OR9Q1: variants seen among roughly 807,000 people sequenced by gnomAD.
The protein encoded by OR9Q1 is olfactory receptor 9Q1.
For missense variants in OR9Q1, 374 were observed against 378.8 expected (o/e 0.99, Z 0.11); for synonymous variants, 153 against 148.6 (o/e 1.03, Z -0.22).
At chr11:58,179,163 C>T (rs900805914) in intron 2 of OR9Q1, among the ~76,000 whole-genome samples, 2 of 151,406 alleles carry the variant, frequency 1.3e-5, no homozygotes, top group Non-Finnish European at 2.9e-5. Context: ...GCTGGGATTA[C>T]AGGTGCTCAC....
intron 2 of OR9Q1, among the ~76,000 whole-genome samples, chr11:58,153,477 A>G (rs1337303834): frequency 1.3e-5 from 2 of 152,146 alleles, no homozygotes; most frequent in African/African-American, 2.4e-5. Flanking sequence ...GGATAATTCA[A>G]TAGGGAAGGG....
At chr11:58,035,631 A>C (rs1209191816) in intron 1 of OR9Q1, among the ~76,000 whole-genome samples, 1 of 152,124 alleles carries the variant, frequency 6.6e-6, no homozygotes, top group African/African-American at 2.4e-5. Context: ...GGAAAGACAT[A>C]TTTTCCTTAG....
chr11:58,068,430 T>C (rs1590569543), intron 2 of OR9Q1, among the ~76,000 whole-genome samples: 1 of 151,912 alleles, frequency 6.6e-6, no homozygotes, highest in South Asian at 2.1e-4. Flanking sequence ...AAGCCTGAAA[T>C]TCCTCTGTTA....
intron 2 of OR9Q1, among the ~76,000 whole-genome samples, chr11:58,126,263 T>C (rs1428707300): frequency 6.6e-6 from 1 of 152,164 alleles, no homozygotes; most frequent in Non-Finnish European, 1.5e-5. Flanking sequence ...TGTCTTACAG[T>C]GTTCATAGTT....
chr11:58,128,650 T>G (rs551912279), intron 2 of OR9Q1, among the ~76,000 whole-genome samples: 1 of 152,236 alleles, frequency 6.6e-6, no homozygotes, highest in East Asian at 1.9e-4. Flanking sequence ...AAAAAAAATT[T>G]TTGTGGAAGT....
chr11:58,066,549 G>C (rs17537868), intron 2 of OR9Q1, among the ~76,000 whole-genome samples: 19,906 of 152,158 alleles, frequency 0.13, 1,550 homozygotes, highest in South Asian at 0.2. Context: ...TATCTTCAGC[G>C]TTCTCCAGGT....
At chr11:58,031,092 T>C (rs1297891821) in intron 1 of OR9Q1, 2 of 1,614,226 alleles carry the variant, frequency 1.2e-6, no homozygotes, top group South Asian at 2.2e-5. Context: ...AATTTGGCCA[T>C]CATTTTAGTG....
chr11:58,159,879 GAT>G (rs1854441855), intron 2 of OR9Q1, among the ~76,000 whole-genome samples: 2 of 152,184 alleles, frequency 1.3e-5, no homozygotes, highest in African/African-American at 4.8e-5. Flanking sequence ...CCTGCAATAA[GAT>G]ATTGATAGAT....
intron 2 of OR9Q1, chr11:58,118,222 T>A (rs531995227): frequency 3.6e-5 from 10 of 274,456 alleles, no homozygotes; most frequent in African/African-American, 2.2e-4. Flanking sequence ...TCAAGACTCC[T>A]GGGATCTGAG....
intron 2 of OR9Q1, 105 bp from the exon 3 acceptor site, chr11:58,179,326 C>A (rs2119975568): frequency 1.4e-6 from 1 of 706,016 alleles, no homozygotes; most frequent in Non-Finnish European, 2.4e-6. Context: ...ACCTGGCACA[C>A]CTGGCATATT....
intron 2 of OR9Q1, among the ~76,000 whole-genome samples, chr11:58,125,985 C>T (rs1854086914): frequency 6.6e-6 from 1 of 152,138 alleles, no homozygotes; most frequent in Non-Finnish European, 1.5e-5. Flanking sequence ...TGTCAAGTCC[C>T]ATATCAGGGG....
At chr11:58,109,529 T>A (rs1221733926) in intron 2 of OR9Q1, 2 of 457,892 alleles carry the variant, frequency 4.4e-6, no homozygotes, top group Non-Finnish European at 4.4e-6. Context: ...AGAATGATCA[T>A]CCCCCCATTC....
At chr11:58,176,481 A>G (rs954425645) in intron 2 of OR9Q1, among the ~76,000 whole-genome samples, 1 of 152,128 alleles carries the variant, frequency 6.6e-6, no homozygotes, top group Admixed American at 6.6e-5. Flanking sequence ...CTCCAAAGAG[A>G]TTTGTGTTGG....
intron 2 of OR9Q1, among the ~76,000 whole-genome samples, chr11:58,101,514 G>A (rs1398456771): frequency 1.3e-5 from 2 of 152,050 alleles, no homozygotes; most frequent in South Asian, 2.1e-4. Flanking sequence ...TTTGAGTTCC[G>A]TGTAGATTCT....
At chr11:58,121,223 G>T (rs139560454) in intron 2 of OR9Q1, among the ~76,000 whole-genome samples, 1 of 152,130 alleles carries the variant, frequency 6.6e-6, no homozygotes, top group Non-Finnish European at 1.5e-5. Context: ...TTATATTTGA[G>T]TCATGGAAAT....
rs371153041 is a variant in OR9Q1 at position 58,073,048 on chromosome 11, CTG to C, written c.-15+17105_-15+17106del. 908 of 208,986 alleles carry C rather than the reference CTG, an allele frequency of 4.3e-3. 7 individuals are homozygous for C. The highest frequency in any genetic ancestry group is 0.02 in the African/African-American group (874 of 42,692). The allele number at this position is 208,986 out of a possible 1,614,324, so 12.9% of individuals were successfully genotyped here. A position where few individuals can be genotyped will look rare whatever the true frequency, so the allele number is the denominator to read the frequency against. ...TTACCTGCCTTTCCTGAGCCATAAACTGTGTTGTAGTTGATGCCTGTCTCATA... is the reference window on the plus strand; with the variant it reads ...TTACCTGCCTTTCCTGAGCCATAAACTGTTGTAGTTGATGCCTGTCTCATA... On this transcript the variant is annotated intron_variant, in intron 2 of 2. Transcript: ENST00000335397.
chr11:58,111,778 A>T (rs1014473728), intron 2 of OR9Q1, among the ~76,000 whole-genome samples: 1 of 152,138 alleles, frequency 6.6e-6, no homozygotes, highest in Admixed American at 6.6e-5. Context: ...GGAACTTTCT[A>T]GTATAGACAT....
chr11:58,058,323 C>T (rs559351781), intron 2 of OR9Q1, among the ~76,000 whole-genome samples: 15 of 152,298 alleles, frequency 9.8e-5, no homozygotes, highest in Non-Finnish European at 1.2e-4. Flanking sequence ...CAGCCCTGTG[C>T]GATGCCAAGC....
At chr11:58,080,157 A>G (rs1454632274) in intron 2 of OR9Q1, among the ~76,000 whole-genome samples, 6 of 152,106 alleles carry the variant, frequency 3.9e-5, no homozygotes, top group African/African-American at 1.4e-4. Flanking sequence ...TTCCCCCACT[A>G]GTAGTCTGCA....
Sources: gnomAD v4.1 joint callset for allele counts (sites outside exome capture counted in the v4.1 genomes callset) on GRCh38, gnomAD v4.1.1 for gene constraint, MANE v1.5 for transcripts, NCBI Gene and HGNC (gene_info 2026-07-23, HGNC 2026-07-21) for gene names.